HBS1L: variants seen among roughly 807,000 people sequenced by gnomAD.
HBS1L encodes the protein HBS1-like protein.
HBS1L carries 55 observed loss-of-function variants against 88.9 expected under a neutral mutation model. The ratio of observed to expected loss-of-function variants is 0.62; its 90% confidence interval spans 0.50 to 0.77. The LOEUF is 0.77. Ranked by LOEUF, HBS1L falls within the 30% of genes least tolerant of loss-of-function variation. The pLI is 0.00. For missense variants in HBS1L, 741 were observed against 829.3 expected (o/e 0.89, Z 1.31); for synonymous variants, 267 against 288.5 (o/e 0.93, Z 0.76).
chr6:134,988,739 CA>C (rs1408748854), intron 8 of HBS1L, among the ~76,000 whole-genome samples: 2 of 152,098 alleles, frequency 1.3e-5, no homozygotes, highest in Non-Finnish European at 2.9e-5. Flanking sequence ...CACCACCTTC[CA>C]GGGGGTATTT....
At chr6:135,014,865 A>C (rs1466284638) in intron 4 of HBS1L, among the ~76,000 whole-genome samples, 1 of 151,158 alleles carries the variant, frequency 6.6e-6, no homozygotes, top group Non-Finnish European at 1.5e-5. Flanking sequence ...AAAAAAAAAA[A>C]AAAAAAAAAC....
At chr6:135,050,678 T>C in intron 1 of HBS1L, 31 bp from the exon 2 acceptor site, 3 of 1,378,092 alleles carry the variant, frequency 2.2e-6, no homozygotes, top group South Asian at 1.3e-5. Context: ...ATAAATTCAT[T>C]TACAAGTTCT....
At chr6:135,027,385 A>C (rs1400906097) in intron 4 of HBS1L, among the ~76,000 whole-genome samples, 1 of 152,032 alleles carries the variant, frequency 6.6e-6, no homozygotes, top group South Asian at 2.1e-4. Context: ...ACCAGTAATC[A>C]TAACAAAAAT....
rs1316229887 is a variant in HBS1L at position 134,964,166 on chromosome 6, A to G, written c.*1113T>C. 6.6e-6 allele frequency: 1 copy of G among 152,028 alleles called. No homozygotes were observed. Among genetic ancestry groups the G allele is most frequent in the Non-Finnish European group, 1.5e-5 (1 of 67,990 alleles). The allele number at this position is 152,028 out of a possible 1,614,324, so 9.4% of individuals were successfully genotyped here. A position where few individuals can be genotyped will look rare whatever the true frequency, so the allele number is the denominator to read the frequency against. On this transcript the variant is annotated 3_prime_UTR_variant, in exon 18 of 18. Transcript: ENST00000367837. ...TGCTGTTGTATATGTTAAGCCATCG[A>G]TATACAAATCACGCTGCTAATAAAA...
intron 17 of HBS1L, among the ~76,000 whole-genome samples, chr6:134,965,840 TAAAA>T (rs1774298272): frequency 6.6e-6 from 1 of 152,200 alleles, no homozygotes; most frequent in South Asian, 2.1e-4. Flanking sequence ...TTTAGCAACT[TAAAA>T]GAAAGATTTT....
intron 7 of HBS1L, among the ~76,000 whole-genome samples, chr6:134,994,626 A>G (rs183074827): frequency 2.0e-5 from 3 of 152,276 alleles, no homozygotes; most frequent in Admixed American, 2.0e-4. Flanking sequence ...CATTATACAC[A>G]TAGCCTGAAG....
intron 4 of HBS1L, among the ~76,000 whole-genome samples, chr6:135,034,370 G>A (rs1369607340): frequency 6.6e-6 from 1 of 152,218 alleles, no homozygotes; most frequent in Non-Finnish European, 1.5e-5. Flanking sequence ...TTGGCCAGGC[G>A]TGGTGGCTCA....
chr6:135,024,919 T>G (rs1467391283), intron 4 of HBS1L, among the ~76,000 whole-genome samples: 1 of 152,120 alleles, frequency 6.6e-6, no homozygotes, highest in Admixed American at 6.5e-5. Flanking sequence ...TCCGGAATGC[T>G]TAGTGGCATC....
At chr6:135,053,526 T>C (rs1777151090) in intron 1 of HBS1L, among the ~76,000 whole-genome samples, 1 of 152,212 alleles carries the variant, frequency 6.6e-6, no homozygotes, top group Non-Finnish European at 1.5e-5. Context: ...CCACATGCAA[T>C]ACCATCCACT....
chr6:135,042,677 T>C (rs1776777284), intron 2 of HBS1L, among the ~76,000 whole-genome samples: 1 of 151,618 alleles, frequency 6.6e-6, no homozygotes, highest in South Asian at 2.1e-4. Flanking sequence ...GGCGTGGCAG[T>C]GGGCACCTGT....
Position 134,985,924 on chromosome 6 carries a change from T to C in HBS1L, c.1423+142A>G, listed in dbSNP as rs372906243. On this transcript the variant is annotated intron_variant, in intron 11 of 17. Coordinates refer to ENST00000367837, the MANE Select transcript of HBS1L (RefSeq NM_006620.4). Reference sequence around the variant, plus strand: ...CACTAGACAGGTTAAGTATTGCACATGATGACAAAACAGGTAACTTAGTTC... The same window carrying C: ...CACTAGACAGGTTAAGTATTGCACACGATGACAAAACAGGTAACTTAGTTC... 183 of 594,306 alleles carry C rather than the reference T, an allele frequency of 3.1e-4. 2 individuals are homozygous for C. In the South Asian group the frequency reaches 3.8e-3, roughly 12 times the overall value. The allele number at this position is 594,306 out of a possible 1,614,324, so 36.8% of individuals were successfully genotyped here.
intron 17 of HBS1L, 28 bp from the exon 18 acceptor site, chr6:134,965,318 T>C (rs762691252): frequency 2.1e-6 from 3 of 1,423,116 alleles, no homozygotes; most frequent in Non-Finnish European, 2.9e-6. Flanking sequence ...AAAAAGACAT[T>C]TGCTGTAATT....
intron 1 of HBS1L, among the ~76,000 whole-genome samples, chr6:135,054,204 C>T (rs1228164592): frequency 6.6e-6 from 1 of 152,236 alleles, no homozygotes; most frequent in Non-Finnish European, 1.5e-5. Context: ...AAATCTAACA[C>T]AGGTACACGT....
At chr6:135,050,714 G>A (rs565076175) in intron 1 of HBS1L, 67 bp from the exon 2 acceptor site, 5 of 949,102 alleles carry the variant, frequency 5.3e-6, no homozygotes, top group Non-Finnish European at 6.5e-6. Flanking sequence ...TACTAGTGAG[G>A]AAGCATCTGA....
At chr6:134,994,448 T>C (rs945675285) in intron 7 of HBS1L, among the ~76,000 whole-genome samples, 2 of 152,080 alleles carry the variant, frequency 1.3e-5, no homozygotes, top group Admixed American at 1.3e-4. Context: ...ACCAACATAG[T>C]GCCTTTTTTC....
rs1774180471 is a variant in HBS1L at position 134,961,141 on chromosome 6, T to C, written c.*4138A>G. 1 of 149,130 alleles carries C rather than the reference T, an allele frequency of 6.7e-6. No homozygotes were observed. Among genetic ancestry groups the C allele is most frequent in the Admixed American group, 6.7e-5 (1 of 14,956 alleles). 9.2% of individuals were successfully genotyped at this position (149,130 alleles called of 1,614,324 possible). Reference sequence around the variant, plus strand: ...ATATGAATAGTTTCACTAATTCCATTCATGGTTACTGTAAACATTCTTAAA... The same window carrying C: ...ATATGAATAGTTTCACTAATTCCATCCATGGTTACTGTAAACATTCTTAAA... On this transcript the variant is annotated 3_prime_UTR_variant, in exon 18 of 18. Transcript: ENST00000367837.
chr6:134,980,249 T>C (rs377247333), intron 13 of HBS1L, among the ~76,000 whole-genome samples: 1 of 151,982 alleles, frequency 6.6e-6, no homozygotes, highest in Non-Finnish European at 1.5e-5. Flanking sequence ...TTTCTGACTT[T>C]TAGGGAGCTC....
chr6:135,008,789 T>C (rs1046058768), intron 4 of HBS1L, among the ~76,000 whole-genome samples: 3 of 152,090 alleles, frequency 2.0e-5, no homozygotes, highest in Non-Finnish European at 2.9e-5. Context: ...AGCACACTCA[T>C]TATCAGAATA....
chr6:134,987,473 T>C (rs942807268), intron 9 of HBS1L, among the ~76,000 whole-genome samples, 172 bp downstream of exon 9: 1 of 152,174 alleles, frequency 6.6e-6, no homozygotes, highest in Non-Finnish European at 1.5e-5. Flanking sequence ...GACATTTTCT[T>C]ACTTAAAAAT....
Sources: allele counts gnomAD v4.1 joint callset (sites outside exome capture counted in the v4.1 genomes callset), GRCh38; gene constraint gnomAD v4.1.1; transcripts MANE v1.5; gene names NCBI Gene and HGNC (gene_info 2026-07-23, HGNC 2026-07-21).